CLNK: variants seen among roughly 807,000 people sequenced by gnomAD.
The protein encoded by CLNK is cytokine-dependent hematopoietic cell linker.
CLNK carries 74 observed loss-of-function variants against 68.6 expected under a neutral mutation model. That is an observed-to-expected ratio of 1.08 (90% confidence interval 0.89 to 1.31). CLNK has a LOEUF of 1.31. Among genes scored for constraint, CLNK ranks in the 50% most tolerant of loss-of-function variants. The pLI is 0.00. For synonymous variants in CLNK, 198 were observed against 172.2 expected, an observed-to-expected ratio of 1.15 and a Z score of -1.17; for missense variants, 553 against 515.3, an observed-to-expected ratio of 1.07 and a Z score of -0.71.
At chr4:10,603,613 G>C (rs1010911240) in intron 2 of CLNK, among the ~76,000 whole-genome samples, 4 of 152,330 alleles carry the variant, frequency 2.6e-5, no homozygotes, top group Admixed American at 2.6e-4. Context: ...AAGAGAAAGA[G>C]GCAGAATTGG....
At chr4:10,727,728 A>G in the CLNK span, among the ~76,000 whole-genome samples, 2 of 152,238 alleles carry the variant, frequency 1.3e-5, no homozygotes, top group Non-Finnish European at 2.9e-5. Flanking sequence ...GCTGTCCAAC[A>G]CTAGAGCAAC....
intron 17 of CLNK, among the ~76,000 whole-genome samples, chr4:10,505,203 A>G (rs1261099884): frequency 6.6e-6 from 1 of 152,198 alleles, no homozygotes; most frequent in African/African-American, 2.4e-5. Context: ...GATTCCCTGG[A>G]AAGAGGATAG....
At chr4:10,677,084 T>C (rs892322710) in intron 1 of CLNK, among the ~76,000 whole-genome samples, 23 of 152,000 alleles carry the variant, frequency 1.5e-4, no homozygotes, top group African/African-American at 4.8e-4. Context: ...CTGTGATTGT[T>C]TCTCCATTGC....
intron 2 of CLNK, among the ~76,000 whole-genome samples, chr4:10,611,511 A>AAAT (rs1722022242): frequency 6.6e-6 from 1 of 151,146 alleles, no homozygotes; most frequent in African/African-American, 2.4e-5. Context: ...AAAAAAAAAA[A>AAAT]TGTAGTGGAC....
At chr4:10,512,492 A>G (rs572258034) in intron 16 of CLNK, among the ~76,000 whole-genome samples, 17 of 152,174 alleles carry the variant, frequency 1.1e-4, no homozygotes, top group African/African-American at 4.1e-4. Context: ...TGGCCTCCCA[A>G]AGTGCTGAGA....
chr4:10,682,537 C>T (rs867903227), intron 1 of CLNK, among the ~76,000 whole-genome samples: 2 of 152,186 alleles, frequency 1.3e-5, no homozygotes, highest in Non-Finnish European at 2.9e-5. Flanking sequence ...CTCTCACTCT[C>T]GAAGCAACAC....
At chr4:10,685,713 C>G (rs1220531456), upstream of CLNK, among the ~76,000 whole-genome samples, 2 of 152,178 alleles carry the variant, frequency 1.3e-5, no homozygotes, top group East Asian at 3.8e-4. Context: ...AATAAGCACT[C>G]TTTGAATGCT....
At chr4:10,699,512 A>ATATATTTTTTT in the CLNK span, among the ~76,000 whole-genome samples, 31 of 32,714 alleles carry the variant, frequency 9.5e-4, no homozygotes, top group African/African-American at 1.7e-3. Context: ...ATATATATAT[A>ATATATTTTTTT]TTTTTTTTTT....
At chr4:10,733,687 C>A in the CLNK span, among the ~76,000 whole-genome samples, 1 of 152,202 alleles carries the variant, frequency 6.6e-6, no homozygotes, top group Non-Finnish European at 1.5e-5. Context: ...ATGCCAGGCA[C>A]CATGCTGTCC....
intron 4 of CLNK, among the ~76,000 whole-genome samples, chr4:10,580,396 C>T (rs188171455): frequency 3.9e-5 from 6 of 152,318 alleles, no homozygotes; most frequent in Admixed American, 3.9e-4. Flanking sequence ...AAGCATCCCG[C>T]TACTGATTAG....
At chr4:10,655,328 CAAAGACAG>C (rs1397193933) in intron 2 of CLNK, among the ~76,000 whole-genome samples, 16 of 87,558 alleles carry the variant, frequency 1.8e-4, no homozygotes, top group African/African-American at 7.4e-4. Context: ...CTAAAACCCC[CAAAGACAG>C]AGAGAGAGAG....
chr4:10,655,887 G>A (rs1448979908), intron 2 of CLNK, among the ~76,000 whole-genome samples: 2 of 152,008 alleles, frequency 1.3e-5, no homozygotes, highest in African/African-American at 4.8e-5. Context: ...CTGACCTCGT[G>A]ATCTGCCCGC....
At chr4:10,684,897 C>A (rs554154234), upstream of CLNK, 1 of 152,234 alleles carries the variant, frequency 6.6e-6, no homozygotes, top group African/African-American at 2.4e-5. Flanking sequence ...TGAGGGCTGG[C>A]AGGACTTCCT....
chr4:10,677,534 T>C (rs1724921969), intron 1 of CLNK, among the ~76,000 whole-genome samples: 1 of 152,096 alleles, frequency 6.6e-6, no homozygotes, highest in Non-Finnish European at 1.5e-5. Flanking sequence ...CCCCAGGTGC[T>C]GAGGGAGGGA....
chr4:10,646,552 G>A (rs1273413113), intron 2 of CLNK, among the ~76,000 whole-genome samples: 3 of 152,202 alleles, frequency 2.0e-5, no homozygotes, highest in Non-Finnish European at 4.4e-5. Context: ...CTCAGTGCCA[G>A]TGAAACTGGC....
rs113020595 is a variant in CLNK at position 10,533,621 on chromosome 4, T to G, written c.603-1338A>C. Among the ~76,000 whole-genome samples the G allele has an allele frequency of 1.9e-3, 290 of 152,276 alleles. 2 individuals are homozygous for G. The highest frequency in any genetic ancestry group is 6.7e-3 in the African/African-American group (277 of 41,552). On this transcript the variant is annotated intron_variant, in intron 11 of 18. Transcript: ENST00000226951. ...CTTACCCCCTGCCTCCCGCTTTTAG[T>G]TGGAAACCTGAGAAGACAAAAGAGA...
Position 10,633,940 on chromosome 4 carries a change from C to CTTAG in CLNK, c.11+33915_11+33918dup, listed in dbSNP as rs528199864. On this transcript the variant is annotated intron_variant, in intron 2 of 18. Coordinates refer to ENST00000226951, the MANE Select transcript of CLNK (RefSeq NM_052964.4). ...GCTATGCACTGAGTTCCCATTAATA[C>CTTAG]TTAGGCCAACTAGTGAGGTCAGAAT... 3.2e-4 allele frequency among the ~76,000 whole-genome samples: 49 copies of CTTAG among 152,310 alleles called. No individual in the cohort carries two copies. In the East Asian group the frequency reaches 9.1e-3, roughly 28 times the overall value.
chr4:10,582,063 T>G (rs983684741), intron 4 of CLNK, among the ~76,000 whole-genome samples: 1 of 152,222 alleles, frequency 6.6e-6, no homozygotes, highest in Non-Finnish European at 1.5e-5. Flanking sequence ...CTATTGTAAT[T>G]GAATTTTGAA....
intron 2 of CLNK, among the ~76,000 whole-genome samples, chr4:10,617,967 A>T (rs1722299495): frequency 6.6e-6 from 1 of 152,224 alleles, no homozygotes; most frequent in South Asian, 2.1e-4. Context: ...AAGAATCAAG[A>T]TTCTGGAGAT....
Sources: allele counts gnomAD v4.1 joint callset (sites outside exome capture counted in the v4.1 genomes callset), GRCh38; gene constraint gnomAD v4.1.1; transcripts MANE v1.5; gene names NCBI Gene and HGNC (gene_info 2026-07-23, HGNC 2026-07-21).